The following MYO1E variants were observed in gnomAD, a reference collection of about 807,000 sequenced individuals.
The protein encoded by MYO1E is myosin IE, also known as unconventional myosin-Ie.
A neutral mutation model predicts 151.1 loss-of-function variants in MYO1E; 68 were observed. That is an observed-to-expected ratio of 0.45 (90% CI 0.37 to 0.55). MYO1E has a LOEUF of 0.55. MYO1E is among the 20% of genes least tolerant of loss of function. The pLI, the probability that MYO1E is intolerant of heterozygous loss-of-function variation, is 0.00. For missense variants in MYO1E, 1,363 were observed against 1,389.3 expected (o/e 0.98, Z 0.30); for synonymous variants, 601 against 501.7 (o/e 1.20, Z -2.64).
intron 26 of MYO1E, among the ~76,000 whole-genome samples, chr15:59,148,505 C>CTT (rs2079455496): frequency 6.6e-6 from 1 of 152,148 alleles, no homozygotes; most frequent in South Asian, 2.1e-4. Flanking sequence ...TTCACTGGCT[C>CTT]TTAAAAATAT....
intron 26 of MYO1E, among the ~76,000 whole-genome samples, chr15:59,144,150 CTT>C (rs1739643174): frequency 6.6e-6 from 1 of 151,834 alleles, no homozygotes; most frequent in Admixed American, 6.6e-5. Flanking sequence ...TTTCTTTTTC[CTT>C]TTATTTATTT....
intron 22 of MYO1E, among the ~76,000 whole-genome samples, chr15:59,170,536 G>A (rs1456933107): frequency 4.0e-5 from 6 of 151,864 alleles, no homozygotes; most frequent in African/African-American, 2.4e-5. Context: ...CCCAGCCAGT[G>A]AGCTGAATGT....
In MYO1E at chr15:59,372,639, G is replaced by C. The variant is rs76209397; in HGVS notation, c.-139C>G. The C allele has an allele frequency of 9.0e-7, 1 of 1,112,736 alleles. No individual in the cohort carries two copies. The highest frequency in any genetic ancestry group is 1.3e-6 in the Non-Finnish European group (1 of 788,056). The allele number at this position is 1,112,736 out of a possible 1,614,324, so 68.9% of individuals were successfully genotyped here. A position where few individuals can be genotyped will look rare whatever the true frequency, so the allele number is the denominator to read the frequency against. On this transcript the variant is annotated 5_prime_UTR_variant, in exon 1 of 28. Transcript: ENST00000288235. ...TCCCGACACCCAAGCACTCACAGGA[G>C]CCAATGGGAACCCAGAGGGGACTCC... is the stretch of plus-strand genomic sequence containing the variant.
intron 2 of MYO1E, among the ~76,000 whole-genome samples, chr15:59,263,969 G>T (rs1331458826): frequency 3.9e-5 from 6 of 152,070 alleles, no homozygotes; most frequent in African/African-American, 1.4e-4. Flanking sequence ...ACTCAATAAG[G>T]CGTCATAAAA....
chr15:59,357,957 G>A (rs141736149), intron 1 of MYO1E, among the ~76,000 whole-genome samples: 1 of 152,218 alleles, frequency 6.6e-6, no homozygotes, highest in East Asian at 1.9e-4. Flanking sequence ...CTGCAGAGGT[G>A]GAATCACAGG....
At chr15:59,231,642 A>T in intron 6 of MYO1E, 60 bp downstream of exon 6, 2 of 1,546,514 alleles carry the variant, frequency 1.3e-6, no homozygotes, top group Non-Finnish European at 1.8e-6. Context: ...ACTAGACTTC[A>T]GTCAGAAGCA....
chr15:59,349,970 G>A lies in MYO1E; in HGVS notation c.3+22528C>T, dbSNP rs184709113. The stretch of plus-strand genomic sequence containing the variant: ...CTCTATTATTGCCTCTAACTTTAGG[G>A]CGATGTGGTAGTCAGAAAGGAGGGG... On this transcript the variant is annotated intron_variant, in intron 1 of 27. Coordinates refer to ENST00000288235, the MANE Select transcript of MYO1E (RefSeq NM_004998.4). Among the ~76,000 whole-genome samples, 289 of 152,266 alleles carry A rather than the reference G, an allele frequency of 1.9e-3. 2 individuals are homozygous for A. Among genetic ancestry groups the A allele is most frequent in the African/African-American group, 6.8e-3 (282 of 41,546 alleles).
intron 1 of MYO1E, among the ~76,000 whole-genome samples, chr15:59,280,680 GT>G (rs1185091286): frequency 3.3e-5 from 5 of 150,550 alleles, no homozygotes; most frequent in Non-Finnish European, 5.9e-5. Flanking sequence ...TTAACTGGCA[GT>G]TTTTTTTTAT....
At chr15:59,256,178 C>T (rs773802710) in intron 4 of MYO1E, 106 bp downstream of exon 4, 234 of 810,760 alleles carry the variant, frequency 2.9e-4, no homozygotes, top group Non-Finnish European at 3.8e-4. Flanking sequence ...ATTAACCAGG[C>T]TGTGACATCA....
chr15:59,301,838 G>A (rs746647477), intron 1 of MYO1E, among the ~76,000 whole-genome samples: 8 of 152,156 alleles, frequency 5.3e-5, no homozygotes, highest in Non-Finnish European at 8.8e-5. Flanking sequence ...GATAGAGAAC[G>A]GGAAAGCTAA....
At chr15:59,221,119 T>C in intron 9 of MYO1E, among the ~76,000 whole-genome samples, 1 of 150,596 alleles carries the variant, frequency 6.6e-6, no homozygotes, top group African/African-American at 2.4e-5. Flanking sequence ...ACGATTCTCC[T>C]GCCTCAGCCT....
chr15:59,307,673 C>T (rs1257710211), intron 1 of MYO1E, among the ~76,000 whole-genome samples: 3 of 151,996 alleles, frequency 2.0e-5, no homozygotes, highest in Non-Finnish European at 4.4e-5. Context: ...TGCAACGGCG[C>T]GATCTTGGCT....
At position 59,285,717 on chromosome 15, in the gene MYO1E, A is replaced by G. The variant is rs7181351; in HGVS notation, c.4-13268T>C. Among the ~76,000 whole-genome samples the G allele has an allele frequency of 2.3e-3, 349 of 152,344 alleles. 2 individuals carry two copies. The highest frequency in any genetic ancestry group is 7.9e-3 in the African/African-American group (328 of 41,580). On this transcript the variant is annotated intron_variant, in intron 1 of 27. Transcript: ENST00000288235. ...AGCTGAAATGAATTTTAAAAATAAAAGTGAAAAAAATTTTTAAGAAAAAGA... is the reference window on the plus strand; with the variant it reads ...AGCTGAAATGAATTTTAAAAATAAAGGTGAAAAAAATTTTTAAGAAAAAGA...
intron 2 of MYO1E, among the ~76,000 whole-genome samples, chr15:59,271,632 C>T (rs8031729): frequency 0.24 from 36,387 of 152,120 alleles, 5,362 homozygotes; most frequent in East Asian, 0.45. Context: ...AAATGGCATC[C>T]GGCAAGCTAA....
At chr15:59,318,529 T>G (rs1429289869) in intron 1 of MYO1E, among the ~76,000 whole-genome samples, 5 of 152,100 alleles carry the variant, frequency 3.3e-5, no homozygotes, top group Admixed American at 1.3e-4. Context: ...ATACAAGAGA[T>G]TAAAACCAAA....
intron 17 of MYO1E, among the ~76,000 whole-genome samples, chr15:59,194,347 C>A (rs2079752848): frequency 1.3e-5 from 2 of 152,170 alleles, no homozygotes; most frequent in African/African-American, 4.8e-5. Context: ...AACTTTCAGA[C>A]AGTAAATGTT....
intron 24 of MYO1E, among the ~76,000 whole-genome samples, chr15:59,160,336 C>CGTGCGTGTGT (rs1555407720): frequency 3.3e-5 from 4 of 120,084 alleles, no homozygotes; most frequent in African/African-American, 1.2e-4. Flanking sequence ...TGAGGTAGTG[C>CGTGCGTGTGT]GTGTGTGTGT....
chr15:59,291,682 TAAAAAAAAAAAAAAAAA>T (rs1182076268), intron 1 of MYO1E, among the ~76,000 whole-genome samples: 7 of 7,802 alleles, frequency 9.0e-4, no homozygotes, highest in African/African-American at 1.9e-3. Flanking sequence ...CTAAAAATAC[TAAAAAAAAAAAAAAAAA>T]AAAAAAAAAA....
At chr15:59,309,055 A>G (rs2080533702) in intron 1 of MYO1E, among the ~76,000 whole-genome samples, 1 of 151,918 alleles carries the variant, frequency 6.6e-6, no homozygotes, top group African/African-American at 2.4e-5. Context: ...CGGAAGCTAC[A>G]GTAAGCCATG....
Sources: allele counts gnomAD v4.1 joint callset (sites outside exome capture counted in the v4.1 genomes callset), GRCh38; gene constraint gnomAD v4.1.1; transcripts MANE v1.5; gene names NCBI Gene and HGNC (gene_info 2026-07-23, HGNC 2026-07-21).